SLITRK2: variants seen among roughly 807,000 people sequenced by gnomAD.
SLITRK2 encodes SLIT and NTRK like family member 2, also known as SLIT and NTRK-like protein 2.
In SLITRK2, 13 loss-of-function variants were observed where a neutral mutation model predicts 35.4. That is an observed-to-expected ratio of 0.37 (90% CI 0.24 to 0.58). The LOEUF is 0.58. Ranked by LOEUF, SLITRK2 falls within the 20% of genes least tolerant of loss-of-function variation. The probability of loss-of-function intolerance (pLI) is 0.75; values close to 1 mark genes in which losing one functional copy is unlikely to be tolerated. For missense variants in SLITRK2, 471 were observed against 634.3 expected (o/e 0.74, Z 2.76); for synonymous variants, 294 against 264.7 (o/e 1.11, Z -1.07).
rs1361243908 is a variant in SLITRK2, at chrX:145,822,164, G to C, written c.-44+11G>C. On this transcript the variant is annotated intron_variant, in intron 4 of 4. Coordinates refer to ENST00000335565, the MANE Select transcript of SLITRK2 (RefSeq NM_032539.5). ...CCCCCGGGAAATCAGGTGCAAGCAT[G>C]TGTGTTCCCGGGGCGCGTGTGTGGG... The C allele has an allele frequency of 1.1e-5, 4 of 350,028 alleles. No homozygotes were observed. The highest frequency in any genetic ancestry group is 2.0e-5 in the Non-Finnish European group (4 of 204,534). 28.8% of individuals were successfully genotyped at this position (350,028 alleles called of 1,213,427 possible).
rs965892238 is a variant in SLITRK2 at position 145,822,366 on chromosome X, C to G, written c.-43-17C>G. 3 of 1,057,396 alleles carry G rather than the reference C, an allele frequency of 2.8e-6. No homozygotes were observed. The highest frequency in any genetic ancestry group is 1.3e-6 in the Non-Finnish European group (1 of 782,253). 87.1% of individuals were successfully genotyped at this position (1,057,396 alleles called of 1,213,427 possible). A position where few individuals can be genotyped will look rare whatever the true frequency, so the allele number is the denominator to read the frequency against. On this transcript the variant is annotated splice_polypyrimidine_tract_variant and intron_variant, in intron 4 of 4. Coordinates refer to ENST00000335565, the MANE Select transcript of SLITRK2 (RefSeq NM_032539.5). The stretch of plus-strand genomic sequence containing the variant: ...TTTCTTCCCTGCACCCGCTTCTTCC[C>G]CCTGCCCCCACCTAAGGTTTGCCTG...
Position 145,822,433 on chromosome X carries a change from G to A in SLITRK2, c.8G>A (p.Ser3Asn), listed in dbSNP as rs1556943648. Residue 3 changes from serine (S) to asparagine (N), a missense_variant, in exon 5 of 5, where the codon AGC (serine) becomes AAC (asparagine). Ser to Asn is a conservative substitution (Grantham distance 46, BLOSUM62 1). Coordinates refer to ENST00000335565, the MANE Select transcript of SLITRK2 (RefSeq NM_032539.5). ML[S>N]GVWFLSVLTV... ...CACCGAAGGTGCCTAAAGATGCTGA[G>A]CGGCGTTTGGTTCCTCAGTGTGTTA... 7 of 1,204,624 alleles carry A rather than the reference G, an allele frequency of 5.8e-6. No individual in the cohort carries two copies. Among genetic ancestry groups the A allele is most frequent in the Non-Finnish European group, 6.7e-6 (6 of 892,285 alleles).
Position 145,824,716 on chromosome X carries a change from A to G in SLITRK2, c.2291A>G (p.Lys764Arg), listed in dbSNP as rs1255909265. 8.3e-7 allele frequency: 1 copy of G among 1,209,794 alleles called. No individual in the cohort carries two copies. Among genetic ancestry groups the G allele is most frequent in the Non-Finnish European group, 1.1e-6 (1 of 895,269 alleles). The change falls in exon 5 of 5, where the codon AAG becomes AGG. Residue 764 changes from lysine (K) to arginine (R), a missense_variant. Lys to Arg is a conservative substitution (Grantham distance 26). Around this residue, in one of 7 missense-constraint regions of SLITRK2, gnomAD observed 190 missense variants for 199.3 expected, o/e 0.95. Coordinates refer to ENST00000335565, the MANE Select transcript of SLITRK2 (RefSeq NM_032539.5). Reference protein sequence around the residue: ...LLYQNIAERVKELPSAGLVHY... With the variant: ...LLYQNIAERVRELPSAGLVHY... ...TATCAAAATATTGCTGAGCGAGTCAAGGAACTTCCCAGCGCAGGCCTAGTC... is the reference window on the plus strand; with the variant it reads ...TATCAAAATATTGCTGAGCGAGTCAGGGAACTTCCCAGCGCAGGCCTAGTC...
chrX:145,823,416 C>A lies in SLITRK2; in HGVS notation c.991C>A (p.Gln331Lys). 2 of 1,211,407 alleles carry A rather than the reference C, an allele frequency of 1.7e-6. No individual in the cohort carries two copies. Among genetic ancestry groups the A allele is most frequent in the Non-Finnish European group, 2.2e-6 (2 of 895,133 alleles). The change falls in exon 5 of 5, where the codon CAG (glutamine) becomes AAG (lysine). Residue 331 changes from glutamine to lysine, a missense_variant. Gln to Lys is a moderately conservative substitution (Grantham distance 53, BLOSUM62 1). Transcript: ENST00000335565. ...RQSFGPIMVY[Q>K]TKSPVPLTCP... ...AAGTTTTGGACCCATCATGGTGTAC[C>A]AGACCAAGTCTCCTGTGCCTCTCAC...
intron 1 of SLITRK2, chrX:145,820,187 C>T (rs1328626748): frequency 8.9e-6 from 1 of 111,976 alleles, no homozygotes; most frequent in African/African-American, 3.3e-5. Context: ...TGGTCAACTC[C>T]TTTTCCCTGG....
rs782356459 is a variant in SLITRK2 at position 145,822,866 on chromosome X, T to G, written c.441T>G (p.Ser147Arg). 8.3e-7 allele frequency: 1 copy of G among 1,210,939 alleles called. No homozygotes were observed. Among genetic ancestry groups the G allele is most frequent in the Non-Finnish European group, 1.1e-6 (1 of 895,215 alleles). ...EYLQADYNYI[S>R]AIEAGAFSKL... ...TCCAGGCCGACTACAATTACATCAG[T>G]GCCATCGAGGCTGGGGCATTCAGCA... The change falls in exon 5 of 5, where the codon AGT (serine) becomes AGG (arginine). Residue 147 changes from serine to arginine, a missense_variant. Physicochemically the swap from Ser to Arg is moderately radical, Grantham distance 110. This residue lies in a region of SLITRK2 where 98 missense variants were observed against 120.6 expected (regional missense o/e 0.81). Coordinates refer to ENST00000335565, the MANE Select transcript of SLITRK2 (RefSeq NM_032539.5).
Position 145,825,119 on chromosome X carries a change from G to A in SLITRK2, c.*156G>A. 3.8e-6 allele frequency: 2 copies of A among 525,505 alleles called. No individual in the cohort carries two copies. The highest frequency in any genetic ancestry group is 5.5e-6 in the Non-Finnish European group (2 of 366,218). The allele number at this position is 525,505 out of a possible 1,213,427, so 43.3% of individuals were successfully genotyped here. On this transcript the variant is annotated 3_prime_UTR_variant, in exon 5 of 5. Transcript: ENST00000335565. ...GGAGATAGGATGAAGTCATGATTTT[G>A]CTTTTGCAAGTTTTCCTTTAAATTA...
chrX:145,820,744 C>A (rs782431347), intron 2 of SLITRK2: 8 of 111,587 alleles, frequency 7.2e-5, no homozygotes, highest in Non-Finnish European at 1.3e-4. Flanking sequence ...TTCCTCCAGG[C>A]AAGAAGTGCA....
In SLITRK2 at chrX:145,825,104, T is replaced by A. The variant is rs2073102546; in HGVS notation, c.*141T>A. The A allele has an allele frequency of 2.9e-6, 2 of 691,953 alleles. No homozygotes were observed. The highest frequency in any genetic ancestry group is 4.9e-5 in the Admixed American group (1 of 20,407). 57.0% of individuals were successfully genotyped at this position (691,953 alleles called of 1,213,427 possible). On this transcript the variant is annotated 3_prime_UTR_variant, in exon 5 of 5. Coordinates refer to ENST00000335565, the MANE Select transcript of SLITRK2 (RefSeq NM_032539.5). Reference sequence around the variant, plus strand: ...CTTTGAAAATGTTTGGGAGATAGGATGAAGTCATGATTTTGCTTTTGCAAG... The same window carrying A: ...CTTTGAAAATGTTTGGGAGATAGGAAGAAGTCATGATTTTGCTTTTGCAAG...
chrX:145,821,101 A>T (rs7879670), intron 2 of SLITRK2: 3,176 of 69,928 alleles, frequency 0.045, 88 homozygotes, highest in African/African-American at 0.095. Context: ...ACACACACAC[A>T]CTCTCTCTCT....
chrX:145,823,691 G>A lies in SLITRK2; in HGVS notation c.1266G>A (p.Leu422=), dbSNP rs2124181628. 5 of 1,211,431 alleles carry A rather than the reference G, an allele frequency of 4.1e-6. No homozygotes were observed. The highest frequency in any genetic ancestry group is 4.5e-6 in the Non-Finnish European group (4 of 895,306). Residue 422 remains leucine (L), a synonymous_variant, in exon 5 of 5, where the codon CTG becomes CTA. Transcript: ENST00000335565. ...TTCAGGAAGGTGCCTTTACAAACCT[G>A]ACCAGTTTACGCAGACTTTATCTGA... The part of the protein sequence containing the change: ...AVIQEGAFTN[L]TSLRRLYLNG...
chrX:145,828,336 A>T lies in SLITRK2; in HGVS notation c.*3373A>T, dbSNP rs1335186740. The T allele has an allele frequency of 1.5e-5, 3 of 194,468 alleles. No individual in the cohort carries two copies. The highest frequency in any genetic ancestry group is 3.0e-5 in the Non-Finnish European group (3 of 99,738). 16.0% of individuals were successfully genotyped at this position (194,468 alleles called of 1,213,427 possible). On this transcript the variant is annotated 3_prime_UTR_variant, in exon 5 of 5. Coordinates refer to ENST00000335565, the MANE Select transcript of SLITRK2 (RefSeq NM_032539.5). ...TTACAAAAAGCATTTAAGGAATAAG[A>T]AAGAGGTTCTGTGATTTTTCAGACT...
chrX:145,818,582 C>T (rs1016513119), intron 1 of SLITRK2: 4 of 112,624 alleles, frequency 3.6e-5, no homozygotes, highest in Non-Finnish European at 7.5e-5. Flanking sequence ...AAGCAGTGCC[C>T]CCTCTCTGGT....
rs937883796 is a variant in SLITRK2, at chrX:145,825,840, C to A, written c.*877C>A. On this transcript the variant is annotated 3_prime_UTR_variant, in exon 5 of 5. Transcript: ENST00000335565. ...ATTCATTAATAAAATATATTTAACCCAATATCAGAGTGAATTGAGCAATTA... is the reference window on the plus strand; with the variant it reads ...ATTCATTAATAAAATATATTTAACCAAATATCAGAGTGAATTGAGCAATTA... The A allele has an allele frequency of 1.1e-4, 13 of 122,437 alleles. No homozygotes were observed. The Admixed American group carries it at 1.1e-3, about 11-fold the overall frequency. The allele number at this position is 122,437 out of a possible 1,213,427, so 10.1% of individuals were successfully genotyped here. A position where few individuals can be genotyped will look rare whatever the true frequency, so the allele number is the denominator to read the frequency against.
chrX:145,829,730 T>A lies in SLITRK2; in HGVS notation c.*4767T>A, dbSNP rs781875544. ...TTTTAGCAGTACTTTAGCTTGAAAGTACTCGTACAAATACTGTTAGATTTA... is the reference window on the plus strand; with the variant it reads ...TTTTAGCAGTACTTTAGCTTGAAAGAACTCGTACAAATACTGTTAGATTTA... On this transcript the variant is annotated 3_prime_UTR_variant, in exon 5 of 5. Transcript: ENST00000335565. 5.5e-4 allele frequency: 68 copies of A among 123,977 alleles called. No individual in the cohort carries two copies. The highest frequency in any genetic ancestry group is 2.1e-3 in the African/African-American group (64 of 31,048). 10.2% of individuals were successfully genotyped at this position (123,977 alleles called of 1,213,427 possible).
rs1373859422 is a variant in SLITRK2, at chrX:145,828,751, T to C, written c.*3788T>C. The C allele has an allele frequency of 8.1e-6, 1 of 122,785 alleles. No homozygotes were observed. The highest frequency in any genetic ancestry group is 3.3e-5 in the African/African-American group (1 of 30,596). 10.1% of individuals were successfully genotyped at this position (122,785 alleles called of 1,213,427 possible). A position where few individuals can be genotyped will look rare whatever the true frequency, so the allele number is the denominator to read the frequency against. On this transcript the variant is annotated 3_prime_UTR_variant, in exon 5 of 5. Coordinates refer to ENST00000335565, the MANE Select transcript of SLITRK2 (RefSeq NM_032539.5). ...TGTGCAGTAAGGTATAAAACAGATA[T>C]ATAATAAATAGCCTAGCTTAGTCTA...
rs1007118533 is a variant in SLITRK2 at position 145,826,028 on chromosome X, A to G, written c.*1065A>G. ...GTCTGTATTTCTAACTTTTTAATTG[A>G]AATTAATATTTTTTCTGCCTATTGA... On this transcript the variant is annotated 3_prime_UTR_variant, in exon 5 of 5. Transcript: ENST00000335565. 8.1e-5 allele frequency: 9 copies of G among 111,546 alleles called. No individual in the cohort carries two copies. Among genetic ancestry groups the G allele is most frequent in the Non-Finnish European group, 1.5e-4 (8 of 53,107 alleles). 9.2% of individuals were successfully genotyped at this position (111,546 alleles called of 1,213,427 possible). A position where few individuals can be genotyped will look rare whatever the true frequency, so the allele number is the denominator to read the frequency against.
At chrX:145,820,181 C>T (rs1224331634) in intron 1 of SLITRK2, 1 of 111,838 alleles carries the variant, frequency 8.9e-6, no homozygotes, top group East Asian at 2.8e-4. Context: ...ATCATTTGGT[C>T]AACTCCTTTT....
Position 145,828,834 on chromosome X carries a change from T to G in SLITRK2, c.*3871T>G, listed in dbSNP as rs2124229875. The G allele has an allele frequency of 8.1e-6, 1 of 123,049 alleles. No homozygotes were observed. The highest frequency in any genetic ancestry group is 2.8e-4 in the East Asian group (1 of 3,569). The allele number at this position is 123,049 out of a possible 1,213,427, so 10.1% of individuals were successfully genotyped here. A position where few individuals can be genotyped will look rare whatever the true frequency, so the allele number is the denominator to read the frequency against. ...AAAAAAACACCAAAATAAGATAAAATAAAACAAATTTAAACACCAAAATAA... is the reference window on the plus strand; with the variant it reads ...AAAAAAACACCAAAATAAGATAAAAGAAAACAAATTTAAACACCAAAATAA... On this transcript the variant is annotated 3_prime_UTR_variant, in exon 5 of 5. Coordinates refer to ENST00000335565, the MANE Select transcript of SLITRK2 (RefSeq NM_032539.5).
Sources: gnomAD v4.1 joint callset for allele counts on GRCh38, gnomAD v4.1.1 for gene constraint, gnomAD v4.1.1 regional missense constraint, MANE v1.5 for transcripts, NCBI Gene and HGNC (gene_info 2026-07-23, HGNC 2026-07-21) for gene names.